Variants in FBN2 observed in about 807,000 individuals in gnomAD.
FBN2 encodes fibrillin-2.
FBN2 carries 105 observed loss-of-function variants against 355.6 expected under a neutral mutation model. The observed-to-expected ratio is 0.30, with a 90% CI of 0.25 to 0.35. The LOEUF is 0.35. FBN2 is among the 10% of genes least tolerant of loss of function. The pLI is 1.00. For missense variants in FBN2, 3,280 were observed against 3,758.7 expected, an observed-to-expected ratio of 0.87 and a Z score of 3.33; for synonymous variants, 1,350 against 1,301.2, an observed-to-expected ratio of 1.04 and a Z score of -0.81.
At position 128,527,981 on chromosome 5, in the gene FBN2, T is replaced by C. The variant is rs768353489; in HGVS notation, c.437-14A>G. 1.5e-5 allele frequency: 24 copies of C among 1,573,350 alleles called. No homozygotes were observed. Among genetic ancestry groups the C allele is most frequent in the Non-Finnish European group, 2.1e-5 (24 of 1,143,708 alleles). On this transcript the variant is annotated splice_polypyrimidine_tract_variant and intron_variant, in intron 3 of 64. Coordinates refer to ENST00000262464, the MANE Select transcript of FBN2 (RefSeq NM_001999.4). ...TGCACTGCTGAACTGCAAAGAGCAA[T>C]AACAAAAAGTATAAAAACATCAGTC...
chr5:128,475,954 T>C (rs1262523259), intron 5 of FBN2, among the ~76,000 whole-genome samples: 1 of 152,196 alleles, frequency 6.6e-6, no homozygotes, highest in East Asian at 1.9e-4. Context: ...AGCAAAAGTA[T>C]CTGCCATATG....
intron 62 of FBN2, among the ~76,000 whole-genome samples, chr5:128,264,776 G>T (rs184147452): frequency 3.4e-4 from 52 of 152,332 alleles, no homozygotes; most frequent in African/African-American, 1.2e-3. Context: ...CCATGTGCAA[G>T]TGGGTGTGCA....
At chr5:128,328,881 C>G in intron 33 of FBN2, 60 bp from the exon 34 acceptor site, 1 of 1,587,424 alleles carries the variant, frequency 6.3e-7, no homozygotes, top group Non-Finnish European at 8.6e-7. Flanking sequence ...ACATTTTCTC[C>G]TTGCTCTATA....
At chr5:128,347,974 G>A (rs1019944946) in intron 23 of FBN2, among the ~76,000 whole-genome samples, 22 of 151,360 alleles carry the variant, frequency 1.5e-4, no homozygotes, top group Non-Finnish European at 3.1e-4. Flanking sequence ...AGACGGGGAG[G>A]GGGGGGTTCC....
At chr5:128,326,853 A>G (rs40487) in intron 34 of FBN2, among the ~76,000 whole-genome samples, 74,324 of 151,944 alleles carry the variant, frequency 0.49, 18,749 homozygotes, top group East Asian at 0.8. Flanking sequence ...CTAGATGTGA[A>G]GGAAGTACAG....
intron 19 of FBN2, among the ~76,000 whole-genome samples, chr5:128,360,582 A>T (rs1160843407): frequency 6.6e-6 from 1 of 151,926 alleles, no homozygotes; most frequent in Non-Finnish European, 1.5e-5. Context: ...CTTTAGGCTA[A>T]TTACTGTTTT....
intron 5 of FBN2, among the ~76,000 whole-genome samples, chr5:128,503,012 C>A (rs540159304): frequency 1.3e-5 from 2 of 152,286 alleles, no homozygotes; most frequent in Non-Finnish European, 2.9e-5. Context: ...CCATTCCCCA[C>A]CCAAATCTCA....
chr5:128,396,642 CAA>C (rs1369596023), intron 8 of FBN2, among the ~76,000 whole-genome samples: 1 of 152,194 alleles, frequency 6.6e-6, no homozygotes, highest in Non-Finnish European at 1.5e-5. Context: ...ATGATGATTG[CAA>C]AAGACTGCAT....
rs78915201 is a variant in FBN2 at position 128,424,559 on chromosome 5, AAT to A, written c.953-15762_953-15761del. Among the ~76,000 whole-genome samples, 8,498 of 152,220 alleles carry A rather than the reference AAT, an allele frequency of 0.056. 1,098 individuals carry two copies. The East Asian group carries it at 0.6, about 11-fold the overall frequency. Reference sequence around the variant, plus strand: ...TTATTTCAGGATTTTACTATAGTACAATATATATTCTTTCTTGTCCCTCTTTT... The same window carrying A: ...TTATTTCAGGATTTTACTATAGTACAATATATTCTTTCTTGTCCCTCTTTT... On this transcript the variant is annotated intron_variant, in intron 7 of 64. Coordinates refer to ENST00000262464, the MANE Select transcript of FBN2 (RefSeq NM_001999.4).
At chr5:128,364,519 C>T in intron 18 of FBN2, 81 bp downstream of exon 18, 1 of 1,394,954 alleles carries the variant, frequency 7.2e-7, no homozygotes, top group South Asian at 1.2e-5. Flanking sequence ...TAGTTTTAGT[C>T]ATTTGTGTTT....
Position 128,537,652 on chromosome 5 carries a change from CA to C in FBN2, c.-50del. 1 of 1,574,196 alleles carries C rather than the reference CA, an allele frequency of 6.4e-7. No individual in the cohort carries two copies. On this transcript the variant is annotated 5_prime_UTR_variant, in exon 1 of 65. Coordinates refer to ENST00000262464, the MANE Select transcript of FBN2 (RefSeq NM_001999.4). ...CGTAGACCCGCGGAGAGGGAGTGAT[CA>C]AAGACAAAATCTGCGCGCCTCAGAA...
At chr5:128,361,123 C>A (rs1468393099) in intron 19 of FBN2, among the ~76,000 whole-genome samples, 1 of 152,180 alleles carries the variant, frequency 6.6e-6, no homozygotes, top group Non-Finnish European at 1.5e-5. Context: ...GTAACTTCCA[C>A]TGCAAAAATA....
intron 42 of FBN2, 54 bp downstream of exon 42, chr5:128,307,081 T>G: frequency 9.0e-7 from 1 of 1,115,350 alleles, no homozygotes; most frequent in South Asian, 1.3e-5. Flanking sequence ...AGAATAGATT[T>G]TTACAGAATG....
chr5:128,317,098 C>T (rs988027310), intron 36 of FBN2, among the ~76,000 whole-genome samples: 4 of 152,132 alleles, frequency 2.6e-5, no homozygotes, highest in Non-Finnish European at 4.4e-5. Flanking sequence ...ACTGGCTTCT[C>T]CTTGTAACTG....
chr5:128,349,275 A>G, intron 23 of FBN2, 72 bp downstream of exon 23: 1 of 1,579,026 alleles, frequency 6.3e-7, no homozygotes, highest in South Asian at 1.1e-5. Flanking sequence ...GTGGTTTTGG[A>G]CTAGCCACTG....
chr5:128,456,018 A>AAAAAAAAAAAAAAAAAAAAAAAAAAAC (rs1754381996), intron 6 of FBN2, among the ~76,000 whole-genome samples: 1 of 148,364 alleles, frequency 6.7e-6, no homozygotes, highest in Non-Finnish European at 1.5e-5. Context: ...AAAAAAAAAA[A>AAAAAAAAAAAAAAAAAAAAAAAAAAAC]AAAAAGCAAC....
rs62375019 is a variant in FBN2 at position 128,357,579 on chromosome 5, A to C, written c.2555-184T>G. 0.019 allele frequency among the ~76,000 whole-genome samples: 2,970 copies of C among 152,342 alleles called. 41 individuals are homozygous for C. Among genetic ancestry groups the C allele is most frequent in the Non-Finnish European group, 0.032 (2,211 of 68,032 alleles). On this transcript the variant is annotated intron_variant, in intron 19 of 64. Coordinates refer to ENST00000262464, the MANE Select transcript of FBN2 (RefSeq NM_001999.4). ...CATTTTACATCGTGGATACACATCTATAGGACTGGGAACTCAGTAGGACCA... is the reference window on the plus strand; with the variant it reads ...CATTTTACATCGTGGATACACATCTCTAGGACTGGGAACTCAGTAGGACCA...
intron 21 of FBN2, 74 bp downstream of exon 21, chr5:128,350,794 G>C: frequency 6.6e-7 from 1 of 1,510,130 alleles, no homozygotes; most frequent in South Asian, 1.1e-5. Flanking sequence ...AAGGAACTGC[G>C]TAGTGAAAGA....
At chr5:128,467,604 A>T (rs1402119925) in intron 5 of FBN2, among the ~76,000 whole-genome samples, 2 of 152,134 alleles carry the variant, frequency 1.3e-5, no homozygotes, top group African/African-American at 4.8e-5. Context: ...CTCTTCCTAA[A>T]AGTTGCACTG....
Sources: gnomAD v4.1 joint callset for allele counts (sites outside exome capture counted in the v4.1 genomes callset) on GRCh38, gnomAD v4.1.1 for gene constraint, MANE v1.5 for transcripts, NCBI Gene and HGNC (gene_info 2026-07-23, HGNC 2026-07-21) for gene names.